Variants in FZD3 observed in about 807,000 individuals in gnomAD.
The protein encoded by FZD3 is frizzled-3.
A neutral mutation model predicts 60.7 loss-of-function variants in FZD3; 30 were observed. The observed-to-expected ratio is 0.49, with a 90% CI of 0.37 to 0.67. FZD3 has a LOEUF of 0.67. Among genes scored for constraint, FZD3 ranks in the 30% least tolerant of loss-of-function variants. The pLI, the probability that FZD3 is intolerant of heterozygous loss-of-function variation, is 0.00. For synonymous variants in FZD3, 246 were observed against 275.2 expected, an observed-to-expected ratio of 0.89 and a Z score of 1.05; for missense variants, 605 against 838.7, an observed-to-expected ratio of 0.72 and a Z score of 3.44.
chr8:28,519,747 AAC>A (rs1427049691), intron 3 of FZD3, among the ~76,000 whole-genome samples: 13 of 131,884 alleles, frequency 9.9e-5, no homozygotes, highest in Non-Finnish European at 1.8e-4. Context: ...AAAAAAAAAA[AAC>A]CAAGAAAATT....
chr8:28,536,479 G>C (rs1805016994), intron 5 of FZD3, among the ~76,000 whole-genome samples: 1 of 152,198 alleles, frequency 6.6e-6, no homozygotes. Flanking sequence ...AGGCCAAGGA[G>C]GGTGGATCAC....
At position 28,569,244 on chromosome 8, in the gene FZD3, CA is replaced by C. The variant is rs980765794; in HGVS notation, c.*6240del. The C allele has an allele frequency of 1.3e-5, 2 of 149,390 alleles. No individual in the cohort carries two copies. Among genetic ancestry groups the C allele is most frequent in the Non-Finnish European group, 3.0e-5 (2 of 67,390 alleles). The allele number at this position is 149,390 out of a possible 1,614,324, so 9.3% of individuals were successfully genotyped here. ...TTCTATCCTGGAGTCTAAAATTAAA[CA>C]AAAAAATCTATTTTCTAAATTGGCA... On this transcript the variant is annotated 3_prime_UTR_variant, in exon 8 of 8. Transcript: ENST00000240093.
At chr8:28,530,219 G>A (rs1804832662) in intron 5 of FZD3, among the ~76,000 whole-genome samples, 1 of 151,252 alleles carries the variant, frequency 6.6e-6, no homozygotes, top group South Asian at 2.1e-4. Context: ...TAATAACATA[G>A]GTATTAAACT....
intron 7 of FZD3, 72 bp from the exon 8 acceptor site, chr8:28,562,726 A>T: frequency 1.1e-6 from 1 of 933,924 alleles, no homozygotes; most frequent in South Asian, 1.5e-5. Context: ...AGGCATTTTT[A>T]TGAAAATTAT....
chr8:28,532,838 T>G (rs143355184), intron 5 of FZD3, among the ~76,000 whole-genome samples: 3 of 152,350 alleles, frequency 2.0e-5, no homozygotes, highest in African/African-American at 7.2e-5. Flanking sequence ...GGGACAAATT[T>G]GTCTCACTTG....
intron 3 of FZD3, among the ~76,000 whole-genome samples, chr8:28,511,767 C>T (rs924261293): frequency 1.3e-5 from 2 of 152,092 alleles, no homozygotes; most frequent in African/African-American, 2.4e-5. Context: ...ATATGTACCT[C>T]TATTTTTGTG....
intron 3 of FZD3, among the ~76,000 whole-genome samples, chr8:28,504,271 T>C (rs938753541): frequency 6.6e-6 from 1 of 152,192 alleles, no homozygotes; most frequent in Non-Finnish European, 1.5e-5. Flanking sequence ...ATTTTTTGCT[T>C]TTCCTCTGAG....
chr8:28,496,934 A>AT (rs113906048), intron 1 of FZD3, among the ~76,000 whole-genome samples: 8 of 152,114 alleles, frequency 5.3e-5, no homozygotes, highest in African/African-American at 1.7e-4. Context: ...GTATTAGAGA[A>AT]TTTTTTTGAT....
chr8:28,562,493 C>T (rs1200266941), intron 7 of FZD3, among the ~76,000 whole-genome samples: 2 of 152,138 alleles, frequency 1.3e-5, no homozygotes, highest in African/African-American at 4.8e-5. Flanking sequence ...TTCAAAACTC[C>T]TTTGAATGAG....
intron 6 of FZD3, among the ~76,000 whole-genome samples, chr8:28,555,328 A>G (rs1805489096): frequency 6.6e-6 from 1 of 152,222 alleles, no homozygotes; most frequent in African/African-American, 2.4e-5. Flanking sequence ...TTTTAGTTAT[A>G]TCTTCATAAT....
chr8:28,501,647 C>T (rs1273254172), intron 2 of FZD3, among the ~76,000 whole-genome samples: 1 of 152,178 alleles, frequency 6.6e-6, no homozygotes, highest in African/African-American at 2.4e-5. Flanking sequence ...CCAGACCTGC[C>T]TTCCACTCCA....
chr8:28,497,260 G>T (rs545320922), intron 1 of FZD3, among the ~76,000 whole-genome samples: 3 of 152,134 alleles, frequency 2.0e-5, no homozygotes, highest in African/African-American at 7.2e-5. Flanking sequence ...GATGAAGCAG[G>T]AAAGTTCAGA....
intron 1 of FZD3, among the ~76,000 whole-genome samples, chr8:28,494,874 C>T (rs1585932937): frequency 6.6e-6 from 1 of 152,164 alleles, no homozygotes; most frequent in Admixed American, 6.5e-5. Flanking sequence ...CTCCCGGCCC[C>T]GGCTCGGGTC....
rs1804747792 is a variant in FZD3, at chr8:28,527,553, AATGCATCCATCCC to A, written c.794_806del (p.Asn265MetfsTer9). Reference sequence around the variant, plus strand: ...TTTGCTTGAAGATCGAGTAGCCTGCAATGCATCCATCCCTGCACAATATAAGGCTTCCACAGTG... The same window carrying A: ...TTTGCTTGAAGATCGAGTAGCCTGCATGCACAATATAAGGCTTCCACAGTG... On this transcript the variant is annotated frameshift_variant, in exon 5 of 8. Coordinates refer to ENST00000240093, the MANE Select transcript of FZD3 (RefSeq NM_017412.4). LOFTEE classifies it high-confidence loss of function. The surrounding 1 kb of genome is among the most constrained non-coding windows in gnomAD (Gnocchi z 5.0). 1 of 1,613,940 alleles carries A rather than the reference AATGCATCCATCCC, an allele frequency of 6.2e-7. No individual in the cohort carries two copies. The highest frequency in any genetic ancestry group is 8.5e-7 in the Non-Finnish European group (1 of 1,179,940).
chr8:28,538,355 T>C (rs2130420968), intron 5 of FZD3, among the ~76,000 whole-genome samples: 1 of 152,266 alleles, frequency 6.6e-6, no homozygotes, highest in Admixed American at 6.5e-5. Context: ...CTTCTAGTTT[T>C]TTAAGTTATA....
At chr8:28,504,065 A>G (rs1311900490) in intron 3 of FZD3, among the ~76,000 whole-genome samples, 5 of 152,206 alleles carry the variant, frequency 3.3e-5, no homozygotes, top group African/African-American at 1.2e-4. Context: ...GCCTATTTCC[A>G]TAGCGCTTTC....
chr8:28,516,697 A>G (rs1007816327), intron 3 of FZD3, among the ~76,000 whole-genome samples: 3 of 152,010 alleles, frequency 2.0e-5, no homozygotes, highest in Non-Finnish European at 2.9e-5. Context: ...TAAAATTTTC[A>G]TTGATCTACT....
At chr8:28,514,675 T>TA (rs373701525) in intron 3 of FZD3, among the ~76,000 whole-genome samples, 1 of 152,250 alleles carries the variant, frequency 6.6e-6, no homozygotes, top group African/African-American at 2.4e-5. Flanking sequence ...TCACTCAGTA[T>TA]AATGATTTTG....
At chr8:28,545,849 T>C (rs1044896304) in intron 5 of FZD3, among the ~76,000 whole-genome samples, 1 of 152,232 alleles carries the variant, frequency 6.6e-6, no homozygotes, top group Admixed American at 6.5e-5. Context: ...ATTATAGATA[T>C]TACAGCCATG....
Sources: allele counts gnomAD v4.1 joint callset (sites outside exome capture counted in the v4.1 genomes callset), GRCh38; gene constraint gnomAD v4.1.1; non-coding constraint Gnocchi (gnomAD v3.1); transcripts MANE v1.5; gene names NCBI Gene and HGNC (gene_info 2026-07-23, HGNC 2026-07-21).